Variants in TPD52 observed in about 807,000 individuals in gnomAD.
TPD52 encodes prostate and colon associated protein.
In TPD52, 17 loss-of-function variants were observed where a neutral mutation model predicts 31.3. The observed-to-expected ratio is 0.54, with a 90% CI of 0.37 to 0.82. The LOEUF (loss-of-function observed/expected upper bound fraction) is 0.82. TPD52 is among the 40% of genes least tolerant of loss of function. TPD52 has a pLI of 0.00. For missense variants in TPD52, 212 were observed against 240.1 expected (o/e 0.88, Z 0.77); for synonymous variants, 83 against 89.6 (o/e 0.93, Z 0.42).
chr8:80,102,570 C>T (rs1285418461), intron 1 of TPD52, among the ~76,000 whole-genome samples: 3 of 152,140 alleles, frequency 2.0e-5, no homozygotes, highest in Admixed American at 6.6e-5. Context: ...AAAAATACCT[C>T]GCAAATAGAA....
rs1033804800 is a variant in TPD52, at chr8:80,074,059, C to A, written c.20-9466G>T. ...TTAGCCTGAATGTTAACACTGCCTACCCAAGAAAGAATCTGTTAACATATA... is the reference window on the plus strand; with the variant it reads ...TTAGCCTGAATGTTAACACTGCCTAACCAAGAAAGAATCTGTTAACATATA... On this transcript the variant is annotated intron_variant, in intron 1 of 7. Coordinates refer to ENST00000518937, the MANE Select transcript of TPD52 (RefSeq NM_001025253.3). Among the ~76,000 whole-genome samples, 14 of 152,314 alleles carry A rather than the reference C, an allele frequency of 9.2e-5. No individual in the cohort carries two copies. In the East Asian group the frequency reaches 2.7e-3, roughly 29 times the overall value.
chr8:80,107,941 A>G (rs1250798021), intron 1 of TPD52, among the ~76,000 whole-genome samples: 1 of 152,182 alleles, frequency 6.6e-6, no homozygotes, highest in Non-Finnish European at 1.5e-5. Context: ...ACCTAAGAGG[A>G]AAATGTGCAG....
intron 2 of TPD52, among the ~76,000 whole-genome samples, chr8:80,061,679 T>C (rs1812573457): frequency 6.6e-6 from 1 of 151,922 alleles, no homozygotes; most frequent in Non-Finnish European, 1.5e-5. Context: ...GCAATACCTG[T>C]CTCAAAAAAA....
At chr8:80,080,419 T>C (rs753684914) in intron 1 of TPD52, 1 of 1,614,196 alleles carries the variant, frequency 6.2e-7, no homozygotes, top group East Asian at 2.2e-5. Context: ...CGGGGACTGG[T>C]AGTCCTCATA....
In TPD52 at chr8:80,136,140, AAATT is replaced by A. The variant is rs1282513617; in HGVS notation, c.19+35281_19+35284del. 1.3e-3 allele frequency among the ~76,000 whole-genome samples: 199 copies of A among 149,238 alleles called. 1 individual carries two copies. Among genetic ancestry groups the A allele is most frequent in the Middle Eastern group, 6.8e-3 (2 of 292 alleles). On this transcript the variant is annotated intron_variant, in intron 1 of 7. Transcript: ENST00000518937. ...TAAAACTTAAAGTATAATAAAAAATAAATTAATTAATTAAAAAAAAAAATTTCAG... is the reference window on the plus strand; with the variant it reads ...TAAAACTTAAAGTATAATAAAAAATAAATTAATTAAAAAAAAAAATTTCAG...
At chr8:80,063,783 C>T (rs773688789) in intron 2 of TPD52, among the ~76,000 whole-genome samples, 7 of 150,564 alleles carry the variant, frequency 4.6e-5, no homozygotes, top group Non-Finnish European at 1.0e-4. Context: ...GGCAACAGAG[C>T]GAGACTCCAT....
chr8:80,070,794 T>G (rs895176615), intron 1 of TPD52, among the ~76,000 whole-genome samples: 3 of 152,200 alleles, frequency 2.0e-5, no homozygotes, highest in African/African-American at 7.2e-5. Flanking sequence ...TTAGATGGTG[T>G]TGTGAGTTGA....
At chr8:80,032,057 G>A (rs1356960448), downstream of TPD52, among the ~76,000 whole-genome samples, 1 of 151,058 alleles carries the variant, frequency 6.6e-6, no homozygotes, top group East Asian at 1.9e-4. Flanking sequence ...GGAGGCTGAG[G>A]CAGGAGAATC....
At chr8:80,130,379 T>C (rs1046964085) in intron 1 of TPD52, among the ~76,000 whole-genome samples, 3 of 152,220 alleles carry the variant, frequency 2.0e-5, no homozygotes, top group East Asian at 1.9e-4. Context: ...CGATTGCTCT[T>C]AGGACCACGT....
At chr8:80,052,722 C>A (rs1351734791) in intron 3 of TPD52, 1 of 1,249,906 alleles carries the variant, frequency 8.0e-7, no homozygotes. Flanking sequence ...TATATCATAG[C>A]ATGTGTGGTC....
At chr8:80,092,949 T>C (rs1816400790) in intron 1 of TPD52, among the ~76,000 whole-genome samples, 1 of 152,134 alleles carries the variant, frequency 6.6e-6, no homozygotes, top group Non-Finnish European at 1.5e-5. Context: ...GAAGTGTACA[T>C]TTCAAATGGT....
chr8:80,134,405 A>G (rs1809245425), intron 1 of TPD52, among the ~76,000 whole-genome samples: 1 of 152,240 alleles, frequency 6.6e-6, no homozygotes, highest in Non-Finnish European at 1.5e-5. Context: ...AATGCTCATC[A>G]TCTCATTTGA....
chr8:80,097,052 G>A (rs919311305), intron 1 of TPD52, among the ~76,000 whole-genome samples: 3 of 152,200 alleles, frequency 2.0e-5, no homozygotes, highest in Non-Finnish European at 2.9e-5. Context: ...TGCTACTCCA[G>A]TGAACACATG....
rs145193829 is a variant in TPD52, at chr8:80,069,903, C to T, written c.20-5310G>A. Among the ~76,000 whole-genome samples, 241 of 152,230 alleles carry T rather than the reference C, an allele frequency of 1.6e-3. No individual in the cohort carries two copies. The East Asian group carries it at 0.017, about 11-fold the overall frequency. Reference sequence around the variant, plus strand: ...GGCCAAGAACCGGTAAGAGCTTAGTCCTGAACACATCTCTAGTTCTAGACT... The same window carrying T: ...GGCCAAGAACCGGTAAGAGCTTAGTTCTGAACACATCTCTAGTTCTAGACT... On this transcript the variant is annotated intron_variant, in intron 1 of 7. Transcript: ENST00000518937.
intron 1 of TPD52, among the ~76,000 whole-genome samples, chr8:80,075,884 A>C (rs903462528): frequency 5.9e-5 from 9 of 152,236 alleles, no homozygotes; most frequent in African/African-American, 1.2e-4. Context: ...AACTTTTAAG[A>C]AGTGGTAACC....
At chr8:80,101,725 C>A (rs1201592982) in intron 1 of TPD52, among the ~76,000 whole-genome samples, 1 of 152,058 alleles carries the variant, frequency 6.6e-6, no homozygotes, top group Non-Finnish European at 1.5e-5. Context: ...AAACAGCCAG[C>A]TCTCGTGTGA....
In TPD52 at chr8:80,080,276, T is replaced by C. The variant is rs201185152; in HGVS notation, c.20-15683A>G. On this transcript the variant is annotated intron_variant, in intron 1 of 7. Transcript: ENST00000518937. ...CAAACCCCAAGTTATGTCTAGGTTT[T>C]ATTCCAAGCAAACTTAACTTTACAA... is the stretch of plus-strand genomic sequence containing the variant. 7 of 1,594,024 alleles carry C rather than the reference T, an allele frequency of 4.4e-6. No homozygotes were observed. The African/African-American group carries it at 6.7e-5, about 15-fold the overall frequency.
chr8:80,130,804 C>G (rs777860358), intron 1 of TPD52, among the ~76,000 whole-genome samples: 16 of 152,118 alleles, frequency 1.1e-4, no homozygotes, highest in Non-Finnish European at 1.5e-4. Context: ...CAATGCACTA[C>G]AATATCAACT....
At chr8:80,119,639 G>A (rs1034156527) in intron 1 of TPD52, among the ~76,000 whole-genome samples, 8 of 152,054 alleles carry the variant, frequency 5.3e-5, no homozygotes, top group African/African-American at 1.7e-4. Context: ...ATACCTTGCT[G>A]TTCATGTAAA....
Sources: gnomAD v4.1 joint callset for allele counts (sites outside exome capture counted in the v4.1 genomes callset) on GRCh38, gnomAD v4.1.1 for gene constraint, MANE v1.5 for transcripts, NCBI Gene and HGNC (gene_info 2026-07-23, HGNC 2026-07-21) for gene names.